The following WDPCP variants were observed in gnomAD, a reference collection of about 807,000 sequenced individuals.
The protein encoded by WDPCP is WD repeat-containing and planar cell polarity effector protein fritz homolog.
Under a neutral mutation model 93.1 loss-of-function variants are expected in WDPCP, and 71 were observed. The ratio of observed to expected loss-of-function variants is 0.76; its 90% CI spans 0.63 to 0.93. The LOEUF is 0.93. Ranked by LOEUF, WDPCP falls within the 40% of genes least tolerant of loss-of-function variation. The probability of loss-of-function intolerance (pLI) is 0.00; values close to 1 mark genes in which losing one functional copy is unlikely to be tolerated. For synonymous variants in WDPCP, 315 were observed against 315.0 expected (o/e 1.00, Z 0.00); for missense variants, 844 against 887.4 (o/e 0.95, Z 0.62).
intron 9 of WDPCP, among the ~76,000 whole-genome samples, chr2:63,426,637 C>T (rs1001273183): frequency 6.6e-6 from 1 of 152,148 alleles, no homozygotes; most frequent in African/African-American, 2.4e-5. Context: ...AGCAACTACA[C>T]ATCAAAAGCA....
intron 1 of WDPCP, among the ~76,000 whole-genome samples, chr2:63,820,155 T>C (rs528229199): frequency 2.6e-4 from 39 of 152,328 alleles, no homozygotes; most frequent in African/African-American, 9.1e-4. Context: ...TTTTTTGAAG[T>C]GGATGTTTGC....
At chr2:63,341,313 G>C (rs1202717092) in intron 12 of WDPCP, among the ~76,000 whole-genome samples, 3 of 152,136 alleles carry the variant, frequency 2.0e-5, no homozygotes, top group Non-Finnish European at 4.4e-5. Flanking sequence ...ATTTTTAGTA[G>C]AGACAGGGTT....
At chr2:63,777,232 T>C (rs1192268202) in intron 2 of WDPCP, among the ~76,000 whole-genome samples, 1 of 152,164 alleles carries the variant, frequency 6.6e-6, no homozygotes, top group Non-Finnish European at 1.5e-5. Flanking sequence ...AAAATAATTG[T>C]CAATTAAAAC....
At chr2:63,341,625 G>A (rs1688847789) in intron 12 of WDPCP, among the ~76,000 whole-genome samples, 1 of 152,172 alleles carries the variant, frequency 6.6e-6, no homozygotes, top group East Asian at 1.9e-4. Flanking sequence ...AGAGAGATGG[G>A]ACAGAGCTAT....
At chr2:63,280,366 C>A (rs568048085) in intron 13 of WDPCP, among the ~76,000 whole-genome samples, 1 of 152,304 alleles carries the variant, frequency 6.6e-6, no homozygotes, top group East Asian at 1.9e-4. Flanking sequence ...GAGACTTATT[C>A]ACTATCACAA....
At chr2:63,707,607 G>A (rs1033977524) in intron 2 of WDPCP, among the ~76,000 whole-genome samples, 2 of 152,272 alleles carry the variant, frequency 1.3e-5, no homozygotes, top group African/African-American at 4.8e-5. Context: ...TTGATCTTCT[G>A]AAGCCTTCTT....
intron 13 of WDPCP, among the ~76,000 whole-genome samples, chr2:63,312,479 T>G (rs1338722841): frequency 6.6e-6 from 1 of 152,218 alleles, no homozygotes; most frequent in African/African-American, 2.4e-5. Flanking sequence ...GTCTTAATTG[T>G]GCAAAAGATT....
chr2:63,587,190 G>C (rs1292744995), intron 1 of WDPCP, among the ~76,000 whole-genome samples: 2 of 152,166 alleles, frequency 1.3e-5, no homozygotes, highest in African/African-American at 4.8e-5. Flanking sequence ...AAATTTGAGA[G>C]TTTTTGACAT....
intron 2 of WDPCP, among the ~76,000 whole-genome samples, chr2:63,812,936 G>A (rs1055135585): frequency 2.0e-5 from 3 of 151,148 alleles, no homozygotes; most frequent in Non-Finnish European, 4.4e-5. Context: ...GGAGTGCAGT[G>A]GTTCAGTCTA....
At chr2:63,316,345 T>C (rs1335528544) in intron 12 of WDPCP, among the ~76,000 whole-genome samples, 1 of 152,014 alleles carries the variant, frequency 6.6e-6, no homozygotes, top group Non-Finnish European at 1.5e-5. Context: ...TCCACATTTG[T>C]AATGGAAATG....
intron 3 of WDPCP, chr2:63,604,999 A>G (rs1709500413): frequency 9.0e-6 from 8 of 891,986 alleles, no homozygotes; most frequent in Non-Finnish European, 1.4e-5. Context: ...TTTCGGGATC[A>G]TAGTAAGCCA....
chr2:63,812,984 C>T (rs141232943), intron 2 of WDPCP, among the ~76,000 whole-genome samples: 2,020 of 151,742 alleles, frequency 0.013, 18 homozygotes, highest in Middle Eastern at 0.024. Flanking sequence ...TCCTGAGTAG[C>T]TGGGACTACA....
At chr2:63,713,374 G>A (rs1015990877) in intron 2 of WDPCP, among the ~76,000 whole-genome samples, 3 of 152,192 alleles carry the variant, frequency 2.0e-5, no homozygotes, top group Non-Finnish European at 2.9e-5. Flanking sequence ...GATAGGAATG[G>A]TGAATTGTCT....
At chr2:63,459,293 G>A (rs1055245312) in intron 6 of WDPCP, among the ~76,000 whole-genome samples, 71 of 151,958 alleles carry the variant, frequency 4.7e-4, no homozygotes, top group African/African-American at 1.5e-3. Flanking sequence ...TCTTGTATAG[G>A]AGAAAATGTT....
At chr2:63,569,763 A>T (rs755049143) in intron 1 of WDPCP, among the ~76,000 whole-genome samples, 3 of 152,128 alleles carry the variant, frequency 2.0e-5, no homozygotes, top group African/African-American at 7.2e-5. Context: ...TTCCCCACCT[A>T]CATGAAATTT....
At chr2:63,310,270 A>G (rs1464028433) in intron 13 of WDPCP, among the ~76,000 whole-genome samples, 2 of 152,212 alleles carry the variant, frequency 1.3e-5, no homozygotes, top group Admixed American at 1.3e-4. Flanking sequence ...TATGCAGCTA[A>G]TAACTGAGAG....
intron 2 of WDPCP, among the ~76,000 whole-genome samples, chr2:63,700,572 A>C (rs1669033102): frequency 6.6e-6 from 1 of 152,068 alleles, no homozygotes; most frequent in South Asian, 2.1e-4. Context: ...TTTTTCCTTT[A>C]CTGATTTTTT....
At chr2:63,806,162 C>T (rs1032978937) in intron 2 of WDPCP, among the ~76,000 whole-genome samples, 5 of 152,150 alleles carry the variant, frequency 3.3e-5, no homozygotes, top group Non-Finnish European at 7.4e-5. Flanking sequence ...ATCAGGGAAC[C>T]TGCCCTGATA....
At chr2:63,713,954 C>T (rs571134646) in intron 2 of WDPCP, among the ~76,000 whole-genome samples, 22 of 151,996 alleles carry the variant, frequency 1.4e-4, no homozygotes, top group African/African-American at 4.8e-4. Context: ...TGGTTATTGT[C>T]GTTGTTGTTG....
Sources: allele counts gnomAD v4.1 joint callset (sites outside exome capture counted in the v4.1 genomes callset), GRCh38; gene constraint gnomAD v4.1.1; transcripts MANE v1.5; gene names NCBI Gene and HGNC (gene_info 2026-07-23, HGNC 2026-07-21).